The following PIP5K1B variants were observed in gnomAD, a reference collection of about 807,000 sequenced individuals.
The protein encoded by PIP5K1B is phosphatidylinositol-4-phosphate 5-kinase type 1 beta, also known as phosphatidylinositol 4-phosphate 5-kinase type-1 beta.
In PIP5K1B, 42 loss-of-function variants were observed where a neutral mutation model predicts 67.0. That is an observed-to-expected ratio of 0.63 (90% CI 0.49 to 0.81). PIP5K1B has a LOEUF of 0.81. PIP5K1B is among the 30% of genes least tolerant of loss of function. PIP5K1B has a pLI of 0.00. For missense variants in PIP5K1B, 459 were observed against 646.3 expected (o/e 0.71, Z 3.14); for synonymous variants, 214 against 231.4 (o/e 0.92, Z 0.68).
At chr9:68,839,765 G>A (rs533105988) in intron 4 of PIP5K1B, among the ~76,000 whole-genome samples, 8 of 152,308 alleles carry the variant, frequency 5.3e-5, no homozygotes, top group East Asian at 1.9e-4. Context: ...AGATGGAGAC[G>A]TCTTGCAGAA....
chr9:69,003,264 T>C (rs1343751815), intron 15 of PIP5K1B, among the ~76,000 whole-genome samples: 4 of 151,830 alleles, frequency 2.6e-5, no homozygotes, highest in African/African-American at 4.8e-5. Flanking sequence ...GAATTCAGAA[T>C]TGATGACAGA....
intron 14 of PIP5K1B, among the ~76,000 whole-genome samples, chr9:68,989,573 G>C (rs2132946455): frequency 6.6e-6 from 1 of 151,266 alleles, no homozygotes; most frequent in East Asian, 1.9e-4. Context: ...TTTTGTTCCA[G>C]CAAAACCTTC....
At chr9:68,790,568 G>GT (rs1275897752) in intron 2 of PIP5K1B, among the ~76,000 whole-genome samples, 10 of 151,978 alleles carry the variant, frequency 6.6e-5, no homozygotes, top group South Asian at 2.1e-4. Context: ...TGGGTCTTGT[G>GT]TATGTACACC....
chr9:68,785,143 A>G (rs1451714774), intron 2 of PIP5K1B, among the ~76,000 whole-genome samples: 2 of 152,130 alleles, frequency 1.3e-5, no homozygotes. Context: ...AGGTTTGGGA[A>G]TTGGTTAAGT....
At chr9:68,948,222 T>G (rs1163198342) in intron 14 of PIP5K1B, among the ~76,000 whole-genome samples, 2 of 152,224 alleles carry the variant, frequency 1.3e-5, no homozygotes, top group Non-Finnish European at 2.9e-5. Context: ...TTCCTTATTC[T>G]TCAGTCTCTT....
chr9:68,845,762 C>G (rs1412037162), intron 4 of PIP5K1B, among the ~76,000 whole-genome samples: 1 of 152,082 alleles, frequency 6.6e-6, no homozygotes, highest in African/African-American at 2.4e-5. Context: ...CAATGTAATC[C>G]TAGATCTTGA....
At chr9:68,999,473 A>G (rs988480290) in intron 15 of PIP5K1B, among the ~76,000 whole-genome samples, 1 of 152,246 alleles carries the variant, frequency 6.6e-6, no homozygotes, top group Admixed American at 6.5e-5. Flanking sequence ...ACAAAGAGGT[A>G]TCAGGTAAAT....
chr9:68,829,932 C>T (rs541433430), intron 4 of PIP5K1B, among the ~76,000 whole-genome samples: 4 of 152,110 alleles, frequency 2.6e-5, no homozygotes, highest in Middle Eastern at 3.4e-3. Flanking sequence ...ACTGGATTCC[C>T]GGGGAGAAGG....
chr9:68,715,926 T>C (rs1827615135), intron 1 of PIP5K1B, among the ~76,000 whole-genome samples: 1 of 152,296 alleles, frequency 6.6e-6, no homozygotes, highest in Non-Finnish European at 1.5e-5. Context: ...AAAGGCATGA[T>C]ATAAAATATT....
At chr9:68,851,819 G>C (rs1185123962) in intron 4 of PIP5K1B, among the ~76,000 whole-genome samples, 1 of 152,206 alleles carries the variant, frequency 6.6e-6, no homozygotes, top group Non-Finnish European at 1.5e-5. Flanking sequence ...CAGAGTTTGT[G>C]CCCCCTCTTC....
chr9:68,776,773 A>T (rs1830939088), intron 2 of PIP5K1B, among the ~76,000 whole-genome samples: 1 of 152,158 alleles, frequency 6.6e-6, no homozygotes, highest in Non-Finnish European at 1.5e-5. Flanking sequence ...TATTTAATTC[A>T]TGGGAGTGAA....
chr9:68,779,465 TG>T (rs1379199674), intron 2 of PIP5K1B, among the ~76,000 whole-genome samples: 2 of 152,200 alleles, frequency 1.3e-5, no homozygotes, highest in Non-Finnish European at 2.9e-5. Flanking sequence ...TCTCCCAATA[TG>T]TATTCTCCAG....
intron 2 of PIP5K1B, among the ~76,000 whole-genome samples, chr9:68,766,337 A>G (rs1047722791): frequency 6.6e-6 from 1 of 152,220 alleles, no homozygotes; most frequent in Admixed American, 6.5e-5. Context: ...TCTTTGATTT[A>G]GCACTTCTAC....
At chr9:68,814,964 T>C (rs1237179210) in intron 2 of PIP5K1B, among the ~76,000 whole-genome samples, 1 of 152,206 alleles carries the variant, frequency 6.6e-6, no homozygotes, top group African/African-American at 2.4e-5. Context: ...TACAAAAATC[T>C]ATTTCTATGG....
intron 5 of PIP5K1B, among the ~76,000 whole-genome samples, chr9:68,868,576 A>G (rs1442795017): frequency 6.6e-6 from 1 of 152,134 alleles, no homozygotes; most frequent in African/African-American, 2.4e-5. Context: ...AAAGCATGGG[A>G]ATGGTATTTC....
At chr9:68,945,697 A>G (rs558847859) in intron 14 of PIP5K1B, among the ~76,000 whole-genome samples, 1 of 152,334 alleles carries the variant, frequency 6.6e-6, no homozygotes, top group East Asian at 1.9e-4. Context: ...TACGGTCTCC[A>G]TCTTACACAT....
chr9:68,863,054 T>G (rs945855563), intron 4 of PIP5K1B, among the ~76,000 whole-genome samples: 13 of 152,176 alleles, frequency 8.5e-5, no homozygotes, highest in Admixed American at 3.3e-4. Flanking sequence ...TTACATCCAT[T>G]CATGTCAGGG....
chr9:68,788,741 T>C (rs938588563), intron 2 of PIP5K1B: 1 of 272,596 alleles, frequency 3.7e-6, no homozygotes, highest in Non-Finnish European at 7.5e-6. Context: ...GGCTGGTGAC[T>C]ATCACTCCCT....
At chr9:68,899,260 T>C (rs1023594804) in intron 8 of PIP5K1B, among the ~76,000 whole-genome samples, 1 of 152,202 alleles carries the variant, frequency 6.6e-6, no homozygotes, top group Non-Finnish European at 1.5e-5. Flanking sequence ...TCCAAGACCG[T>C]GCTGTTGTGG....
Sources: gnomAD v4.1 joint callset for allele counts (sites outside exome capture counted in the v4.1 genomes callset) on GRCh38, gnomAD v4.1.1 for gene constraint, MANE v1.5 for transcripts, NCBI Gene and HGNC (gene_info 2026-07-23, HGNC 2026-07-21) for gene names.